PUS7L: variants seen among roughly 807,000 people sequenced by gnomAD.
The protein encoded by PUS7L is pseudouridylate synthase PUS7L.
A neutral mutation model predicts 51.1 loss-of-function variants in PUS7L; 49 were observed. The observed-to-expected ratio is 0.96, with a 90% CI of 0.76 to 1.22. The LOEUF (loss-of-function observed/expected upper bound fraction) is 1.22. Ranked by LOEUF, PUS7L falls within the 50% of genes most tolerant of loss-of-function variation. The pLI is 0.00. For missense variants in PUS7L, 828 were observed against 820.6 expected, an observed-to-expected ratio of 1.01 and a Z score of -0.11; for synonymous variants, 277 against 276.2, an observed-to-expected ratio of 1.00 and a Z score of -0.03.
At chr12:43,758,662 C>CA (rs1592194394) in intron 1 of PUS7L, 68 bp downstream of exon 1, 2 of 765,936 alleles carry the variant, frequency 2.6e-6, no homozygotes, top group African/African-American at 3.8e-5. Flanking sequence ...TCACCCCCCC[C>CA]CCCCACACAC....
rs1937723590 is a variant in PUS7L, at chr12:43,738,471, C to T, written c.1363-80G>A. 3 of 768,486 alleles carry T rather than the reference C, an allele frequency of 3.9e-6. No homozygotes were observed. In the Admixed American group the frequency reaches 6.5e-5, roughly 17 times the overall value. 47.6% of individuals were successfully genotyped at this position (768,486 alleles called of 1,614,324 possible). A position where few individuals can be genotyped will look rare whatever the true frequency, so the allele number is the denominator to read the frequency against. On this transcript the variant is annotated intron_variant, in intron 5 of 8. Transcript: ENST00000344862. ...TTAAAAAAAGATGCAAATTCTCTAGCATCCTAAAAGAATAGGGATTTAATA... is the reference window on the plus strand; with the variant it reads ...TTAAAAAAAGATGCAAATTCTCTAGTATCCTAAAAGAATAGGGATTTAATA...
intron 5 of PUS7L, among the ~76,000 whole-genome samples, chr12:43,740,398 C>T (rs1937840097): frequency 6.6e-6 from 1 of 152,132 alleles, no homozygotes. Context: ...GTCATGGTCT[C>T]TGTTCAACTA....
chr12:43,748,300 T>A (rs560585678), intron 3 of PUS7L, 150 bp downstream of exon 3: 2 of 500,078 alleles, frequency 4.0e-6, no homozygotes, highest in Admixed American at 7.2e-5. Context: ...AGGCATAATA[T>A]AATTAATTAG....
rs1944396959 is a variant in PUS7L at position 43,721,542 on chromosome 12, C to T, written c.*8834G>A. Reference sequence around the variant, plus strand: ...TGCAGTATTCACTCAGCATTTTTAACCCTGTTATATGTCAGGCACTGATAG... The same window carrying T: ...TGCAGTATTCACTCAGCATTTTTAATCCTGTTATATGTCAGGCACTGATAG... On this transcript the variant is annotated 3_prime_UTR_variant, in exon 9 of 9. Transcript: ENST00000344862. The T allele has an allele frequency of 2.0e-5, 3 of 152,138 alleles. No individual in the cohort carries two copies. In the South Asian group the frequency reaches 6.2e-4, roughly 31 times the overall value. 9.4% of individuals were successfully genotyped at this position (152,138 alleles called of 1,614,324 possible).
chr12:43,732,376 G>A (rs1053347288), intron 7 of PUS7L, among the ~76,000 whole-genome samples: 8 of 152,062 alleles, frequency 5.3e-5, no homozygotes, highest in Non-Finnish European at 1.2e-4. Context: ...GATCCCAGGA[G>A]CTAAAGACTG....
chr12:43,749,331 G>A (rs562325053), intron 2 of PUS7L, among the ~76,000 whole-genome samples: 4 of 152,212 alleles, frequency 2.6e-5, no homozygotes, highest in South Asian at 2.1e-4. Flanking sequence ...TCATTGCAGC[G>A]CTATTCAGAA....
At chr12:43,744,719 TTTTG>T (rs1235763022) in intron 4 of PUS7L, among the ~76,000 whole-genome samples, 1 of 152,172 alleles carries the variant, frequency 6.6e-6, no homozygotes, top group African/African-American at 2.4e-5. Context: ...AATAACCAGT[TTTTG>T]TTTGTTTTCC....
chr12:43,728,990 C>A lies in PUS7L; in HGVS notation c.*1386G>T. On this transcript the variant is annotated 3_prime_UTR_variant, in exon 9 of 9. Coordinates refer to ENST00000344862, the MANE Select transcript of PUS7L (RefSeq NM_031292.5). ...AATATCTGTGCTTTTAATCACTATG[C>A]TAACATGTCTCTTATTTGTGAAAGA... 2.8e-6 allele frequency: 1 copy of A among 351,420 alleles called. No homozygotes were observed. The highest frequency in any genetic ancestry group is 5.1e-6 in the Non-Finnish European group (1 of 195,650). The allele number at this position is 351,420 out of a possible 1,614,324, so 21.8% of individuals were successfully genotyped here.
In PUS7L at chr12:43,728,683, C is replaced by A. The variant is rs993915542; in HGVS notation, c.*1693G>T. The A allele has an allele frequency of 6.6e-6, 1 of 151,144 alleles. No homozygotes were observed. Among genetic ancestry groups the A allele is most frequent in the East Asian group, 2.0e-4 (1 of 5,008 alleles). 9.4% of individuals were successfully genotyped at this position (151,144 alleles called of 1,614,324 possible). A position where few individuals can be genotyped will look rare whatever the true frequency, so the allele number is the denominator to read the frequency against. ...TTTAGTATTAAAAAAAATCCAAATA[C>A]CCCATCATCTTAACAGGAAGGGATT... On this transcript the variant is annotated 3_prime_UTR_variant, in exon 9 of 9. Coordinates refer to ENST00000344862, the MANE Select transcript of PUS7L (RefSeq NM_031292.5).
intron 2 of PUS7L, among the ~76,000 whole-genome samples, chr12:43,753,695 T>C (rs1484666330): frequency 6.6e-6 from 1 of 152,096 alleles, no homozygotes; most frequent in East Asian, 1.9e-4. Flanking sequence ...CCTAAAACAG[T>C]GATTCTCAAA....
At chr12:43,748,293 CATAAT>C (rs1339353664) in intron 3 of PUS7L, among the ~76,000 whole-genome samples, 152 bp downstream of exon 3, 1 of 151,958 alleles carries the variant, frequency 6.6e-6, no homozygotes, top group Non-Finnish European at 1.5e-5. Flanking sequence ...ATAATAAAGG[CATAAT>C]ATAATTAATT....
rs914345161 is a variant in PUS7L at position 43,723,194 on chromosome 12, G to C, written c.*7182C>G. 1.3e-5 allele frequency: 2 copies of C among 152,114 alleles called. No individual in the cohort carries two copies. Among genetic ancestry groups the C allele is most frequent in the Admixed American group, 1.3e-4 (2 of 15,274 alleles). The allele number at this position is 152,114 out of a possible 1,614,324, so 9.4% of individuals were successfully genotyped here. A position where few individuals can be genotyped will look rare whatever the true frequency, so the allele number is the denominator to read the frequency against. On this transcript the variant is annotated 3_prime_UTR_variant, in exon 9 of 9. Transcript: ENST00000344862. ...GAGATGGCCTATGTACACAGGCAGA[G>C]TAAATTAACTCCTGCCTCAAAGTTG...
rs556353295 is a variant in PUS7L at position 43,723,976 on chromosome 12, T to C, written c.*6400A>G. ...CCCTTAAATTTCCCTCTTTGATCTT[T>C]ATGCAATCTTCAGTGTTTTTAACCG... On this transcript the variant is annotated 3_prime_UTR_variant, in exon 9 of 9. Transcript: ENST00000344862. The C allele has an allele frequency of 6.6e-6, 1 of 152,200 alleles. No homozygotes were observed. Among genetic ancestry groups the C allele is most frequent in the African/African-American group, 2.4e-5 (1 of 41,574 alleles). The allele number at this position is 152,200 out of a possible 1,614,324, so 9.4% of individuals were successfully genotyped here.
chr12:43,742,307 G>A, intron 5 of PUS7L, 150 bp downstream of exon 5: 1 of 584,760 alleles, frequency 1.7e-6, no homozygotes, highest in Admixed American at 3.4e-5. Context: ...GGACAGAGCA[G>A]CAGCTTACTA....
At chr12:43,752,080 T>C (rs1938479499) in intron 2 of PUS7L, among the ~76,000 whole-genome samples, 2 of 152,242 alleles carry the variant, frequency 1.3e-5, no homozygotes, top group African/African-American at 2.4e-5. Context: ...TTGAGTTCTT[T>C]GTAGATTCTG....
At chr12:43,750,689 A>G (rs1756500248) in intron 2 of PUS7L, among the ~76,000 whole-genome samples, 1 of 152,200 alleles carries the variant, frequency 6.6e-6, no homozygotes, top group South Asian at 2.1e-4. Context: ...ATCTTTAGAG[A>G]CTGGCAAATA....
chr12:43,736,716 A>G (rs1241825798), intron 6 of PUS7L, 55 bp from the exon 7 acceptor site: 1 of 1,514,652 alleles, frequency 6.6e-7, no homozygotes, highest in Non-Finnish European at 9.0e-7. Context: ...AAGGCCAGTT[A>G]TAAAGGCTTT....
chr12:43,758,604 T>G (rs1285132626), intron 1 of PUS7L, 126 bp downstream of exon 1: 2 of 975,058 alleles, frequency 2.1e-6, no homozygotes, highest in Non-Finnish European at 2.4e-6. Context: ...CTAGTCCACG[T>G]CACCTTTCTT....
intron 6 of PUS7L, 122 bp downstream of exon 6, chr12:43,738,188 A>ATATT: frequency 1.5e-6 from 1 of 675,306 alleles, no homozygotes; most frequent in Non-Finnish European, 2.6e-6. Context: ...TTCAGTATGT[A>ATATT]ATATACTATA....
Sources: gnomAD v4.1 joint callset for allele counts (sites outside exome capture counted in the v4.1 genomes callset) on GRCh38, gnomAD v4.1.1 for gene constraint, MANE v1.5 for transcripts, NCBI Gene and HGNC (gene_info 2026-07-23, HGNC 2026-07-21) for gene names.